The following KIAA1217 variants were observed in gnomAD, a reference collection of about 807,000 sequenced individuals.
KIAA1217 encodes the protein sickle tail protein homolog.
A neutral mutation model predicts 163.9 loss-of-function variants in KIAA1217; 88 were observed. The observed-to-expected ratio is 0.54, with a 90% confidence interval of 0.45 to 0.64. The LOEUF (loss-of-function observed/expected upper bound fraction) is 0.64, where lower values mean the gene tolerates loss of function less well. Among genes scored for constraint, KIAA1217 ranks in the 30% least tolerant of loss-of-function variants. The probability of loss-of-function intolerance (pLI) is 0.00; values close to 1 mark genes in which losing one functional copy is unlikely to be tolerated. For synonymous variants in KIAA1217, 903 were observed against 923.1 expected (o/e 0.98, Z 0.39); for missense variants, 2,372 against 2,475.0 (o/e 0.96, Z 0.88).
intron 1 of KIAA1217, among the ~76,000 whole-genome samples, chr10:23,945,058 CA>C (rs527334106): frequency 0.2 from 20,367 of 103,724 alleles, 3,008 homozygotes; most frequent in African/African-American, 0.44. Flanking sequence ...GACTCTATCT[CA>C]AAAAAAAAAA....
chr10:23,790,572 TAC>T (rs1173892847), intron 1 of KIAA1217, among the ~76,000 whole-genome samples: 2 of 126,820 alleles, frequency 1.6e-5, no homozygotes, highest in African/African-American at 3.3e-5. Flanking sequence ...TATGTATATA[TAC>T]ATATGTATAT....
chr10:23,775,758 T>G (rs1301027031), intron 1 of KIAA1217, among the ~76,000 whole-genome samples: 1 of 152,250 alleles, frequency 6.6e-6, no homozygotes, highest in Non-Finnish European at 1.5e-5. Flanking sequence ...TTAAATTCAT[T>G]GTCCGGAGTA....
intron 2 of KIAA1217, among the ~76,000 whole-genome samples, chr10:24,086,907 A>T (rs1032980981): frequency 5.3e-5 from 8 of 152,120 alleles, no homozygotes; most frequent in African/African-American, 1.9e-4. Context: ...GAACTGTAAT[A>T]TTCATTTGAT....
intron 2 of KIAA1217, among the ~76,000 whole-genome samples, chr10:24,072,666 A>T (rs973805645): frequency 2.0e-5 from 3 of 152,196 alleles, no homozygotes; most frequent in African/African-American, 7.2e-5. Context: ...GGCAGCCACC[A>T]CCACAGATGC....
At chr10:23,706,178 T>G (rs1285363647) in intron 1 of KIAA1217, among the ~76,000 whole-genome samples, 3 of 152,316 alleles carry the variant, frequency 2.0e-5, no homozygotes, top group Admixed American at 2.0e-4. Flanking sequence ...GGATTTTCTC[T>G]ATGCATGATC....
intron 2 of KIAA1217, among the ~76,000 whole-genome samples, chr10:24,372,447 A>G (rs2051802124): frequency 6.6e-6 from 1 of 152,164 alleles, no homozygotes; most frequent in South Asian, 2.1e-4. Context: ...GAACTCAGAT[A>G]AAACAAATAC....
At chr10:24,487,153 C>A (rs897214575) in intron 6 of KIAA1217, among the ~76,000 whole-genome samples, 6 of 152,208 alleles carry the variant, frequency 3.9e-5, no homozygotes, top group African/African-American at 1.4e-4. Flanking sequence ...TAAATTCTGC[C>A]ATTCTTTTCA....
chr10:23,977,588 CA>C (rs1344794364), intron 1 of KIAA1217, among the ~76,000 whole-genome samples: 1 of 152,028 alleles, frequency 6.6e-6, no homozygotes, highest in Non-Finnish European at 1.5e-5. Flanking sequence ...CCCAGCTTTC[CA>C]AAAAGTAAAA....
chr10:24,293,445 C>T (rs193252103), intron 2 of KIAA1217, among the ~76,000 whole-genome samples: 6 of 152,326 alleles, frequency 3.9e-5, no homozygotes, highest in Non-Finnish European at 8.8e-5. Flanking sequence ...TGCCCCGCCC[C>T]GGCCCTTCCA....
intron 2 of KIAA1217, among the ~76,000 whole-genome samples, chr10:24,172,825 C>T (rs1589766481): frequency 1.3e-5 from 2 of 152,172 alleles, no homozygotes; most frequent in Non-Finnish European, 2.9e-5. Context: ...CTTCTGTTTT[C>T]TCTATTTGAT....
At chr10:23,927,890 T>G (rs1472071965) in intron 1 of KIAA1217, among the ~76,000 whole-genome samples, 2 of 152,088 alleles carry the variant, frequency 1.3e-5, no homozygotes, top group Non-Finnish European at 2.9e-5. Context: ...GAAATACACA[T>G]ATAAAACAGC....
intron 2 of KIAA1217, among the ~76,000 whole-genome samples, chr10:24,292,815 A>G (rs1044357701): frequency 6.6e-6 from 1 of 152,064 alleles, no homozygotes; most frequent in Non-Finnish European, 1.5e-5. Context: ...TGTGGCCGCT[A>G]CTTGAAGTTC....
chr10:24,291,816 T>C (rs7896178), intron 2 of KIAA1217, among the ~76,000 whole-genome samples: 12,024 of 152,230 alleles, frequency 0.079, 637 homozygotes, highest in African/African-American at 0.14. Context: ...TTTAGATCAA[T>C]AGCTATTATT....
chr10:24,272,128 C>G (rs2076830881), intron 2 of KIAA1217, among the ~76,000 whole-genome samples: 1 of 152,154 alleles, frequency 6.6e-6, no homozygotes, highest in Non-Finnish European at 1.5e-5. Context: ...TTTCCCTTCT[C>G]TCTACATGAT....
intron 1 of KIAA1217, among the ~76,000 whole-genome samples, chr10:23,890,160 A>G (rs1477162679): frequency 6.6e-6 from 1 of 151,736 alleles, no homozygotes; most frequent in East Asian, 1.9e-4. Flanking sequence ...TAGTCTTAGT[A>G]GGAGATTATT....
chr10:24,212,682 A>G (rs957123217), intron 1 of KIAA1217, among the ~76,000 whole-genome samples: 1 of 152,232 alleles, frequency 6.6e-6, no homozygotes. Flanking sequence ...AGGGAGAGCA[A>G]CATCTCTGAT....
At chr10:24,260,678 G>C (rs944529448) in intron 2 of KIAA1217, among the ~76,000 whole-genome samples, 3 of 150,338 alleles carry the variant, frequency 2.0e-5, no homozygotes, top group East Asian at 2.0e-4. Context: ...CCAGGAGTTC[G>C]AGGCTGCAGT....
chr10:23,782,303 A>G (rs1835293931), intron 1 of KIAA1217, among the ~76,000 whole-genome samples: 1 of 152,078 alleles, frequency 6.6e-6, no homozygotes. Context: ...ATTCCTAAGT[A>G]TTTTATTGAT....
chr10:24,321,743 G>T (rs1228794122), intron 2 of KIAA1217, among the ~76,000 whole-genome samples: 1 of 152,132 alleles, frequency 6.6e-6, no homozygotes, highest in African/African-American at 2.4e-5. Context: ...AAGTAGAATG[G>T]TGATTGCCAG....
Sources: gnomAD v4.1 joint callset for allele counts (sites outside exome capture counted in the v4.1 genomes callset) on GRCh38, gnomAD v4.1.1 for gene constraint, MANE v1.5 for transcripts, NCBI Gene and HGNC (gene_info 2026-07-23, HGNC 2026-07-21) for gene names.